The following DNAAF9 variants were observed in gnomAD, a reference collection of about 807,000 sequenced individuals.
DNAAF9 encodes the protein dynein axonemal assembly factor 9, also known as shulin.
A neutral mutation model predicts 167.0 loss-of-function variants in DNAAF9; 90 were observed. The ratio of observed to expected loss-of-function variants is 0.54; its 90% CI spans 0.45 to 0.64. The LOEUF (loss-of-function observed/expected upper bound fraction) is 0.64. Among genes scored for constraint, DNAAF9 ranks in the 30% least tolerant of loss-of-function variants. DNAAF9 has a pLI of 0.00. For missense variants in DNAAF9, 1,315 were observed against 1,442.2 expected, an observed-to-expected ratio of 0.91 and a Z score of 1.43; for synonymous variants, 491 against 508.8, an observed-to-expected ratio of 0.96 and a Z score of 0.47.
At position 3,403,222 on chromosome 20, in the gene DNAAF9, T is replaced by A. The variant is rs146556611; in HGVS notation, c.83+4253A>T. ...GCTCAACACAGCTGCAGGAAAAGTGTACAACTATGCTAAGTAGGGTCTCAC... is the reference window on the plus strand; with the variant it reads ...GCTCAACACAGCTGCAGGAAAAGTGAACAACTATGCTAAGTAGGGTCTCAC... On this transcript the variant is annotated intron_variant, in intron 1 of 36. Transcript: ENST00000252032. Among the ~76,000 whole-genome samples, 412 of 152,220 alleles carry A rather than the reference T, an allele frequency of 2.7e-3. 1 individual carries two copies. The highest frequency in any genetic ancestry group is 9.3e-3 in the African/African-American group (387 of 41,530).
chr20:3,381,585 G>C (rs983031772), intron 2 of DNAAF9, 87 bp from the exon 3 acceptor site: 49 of 1,403,996 alleles, frequency 3.5e-5, no homozygotes, highest in Non-Finnish European at 4.7e-5. Flanking sequence ...GCAAAACCCT[G>C]ATGATCAAGC....
chr20:3,256,992 C>T (rs1037755731), intron 33 of DNAAF9, among the ~76,000 whole-genome samples: 1 of 151,930 alleles, frequency 6.6e-6, no homozygotes, highest in African/African-American at 2.4e-5. Flanking sequence ...CAGAGCAAGA[C>T]CCTGTCTCAA....
At position 3,281,741 on chromosome 20, in the gene DNAAF9, G is replaced by C; in HGVS notation, c.2512C>G (p.Gln838Glu). The change falls in exon 28 of 37, where the codon CAG (glutamine) becomes GAG (glutamate). Residue 838 changes from glutamine to glutamate, a missense_variant. By Grantham distance (29) the Gln-to-Glu change is conservative (BLOSUM62 2). Transcript: ENST00000252032. ...QGYTDVIDVVQALQTHPDSNV... is the reference protein window; with the variant it reads ...QGYTDVIDVVEALQTHPDSNV... ...GAGTCTGGGTGGGTCTGCAGGGCCT[G>C]GACAACATCAATAACATCTGTGTAG... 2 of 1,611,980 alleles carry C rather than the reference G, an allele frequency of 1.2e-6. 1 individual carries two copies. Among genetic ancestry groups the C allele is most frequent in the South Asian group, 2.2e-5 (2 of 90,530 alleles).
chr20:3,319,865 G>A (rs2069583183), intron 16 of DNAAF9, among the ~76,000 whole-genome samples: 1 of 152,146 alleles, frequency 6.6e-6, no homozygotes, highest in East Asian at 1.9e-4. Flanking sequence ...CAACTGGAAG[G>A]TTTATCTAAA....
Position 3,264,631 on chromosome 20 carries a change from G to A in DNAAF9, c.2787-107C>T, listed in dbSNP as rs1055979593. 18 of 674,652 alleles carry A rather than the reference G, an allele frequency of 2.7e-5. 2 individuals carry two copies. The highest frequency in any genetic ancestry group is 2.6e-4 in the South Asian group (16 of 61,582). The allele number at this position is 674,652 out of a possible 1,614,324, so 41.8% of individuals were successfully genotyped here. On this transcript the variant is annotated intron_variant, in intron 30 of 36. Coordinates refer to ENST00000252032, the MANE Select transcript of DNAAF9 (RefSeq NM_001009984.3). ...TGTCGCCAGGCTGGAGTGCAGTGGT[G>A]CAATCTTGGCTCATTGCAACCTCCG...
At chr20:3,311,426 C>A (rs1483967496) in intron 20 of DNAAF9, among the ~76,000 whole-genome samples, 1 of 151,988 alleles carries the variant, frequency 6.6e-6, no homozygotes, top group African/African-American at 2.4e-5. Flanking sequence ...TTAAAAAATT[C>A]TTTTGTAGAA....
intron 1 of DNAAF9, 48 bp from the exon 2 acceptor site, chr20:3,382,554 T>G (rs1336912448): frequency 6.9e-7 from 1 of 1,442,772 alleles, no homozygotes; most frequent in Admixed American, 1.7e-5. Flanking sequence ...GACAGCCCCA[T>G]GAGAAGAGCA....
At chr20:3,382,899 T>G (rs758951930) in intron 1 of DNAAF9, among the ~76,000 whole-genome samples, 3 of 152,192 alleles carry the variant, frequency 2.0e-5, no homozygotes, top group Admixed American at 6.5e-5. Flanking sequence ...TCACCCCACT[T>G]GTGGTCCTCA....
rs574872776 is a variant in DNAAF9, at chr20:3,376,243, G to A, written c.343C>T (p.Arg115Cys). Residue 115 changes from arginine (R) to cysteine (C), a missense_variant, in exon 4 of 37, where the codon CGC becomes TGC. Physicochemically the swap from Arg to Cys is radical, Grantham distance 180. Around this residue, in one of 2 missense-constraint regions of DNAAF9, gnomAD observed 981 missense variants for 1,012.5 expected, o/e 0.97. Transcript: ENST00000252032. ...TGTGCCACATAAGGTAAGAGATAGC[G>A]AAAGTTTACAGGATTACAGTACAGA... The part of the protein sequence containing the change: ...VHLYCNPVNF[R>C]YLLPYVAHWR... 1.9e-5 allele frequency: 31 copies of A among 1,613,006 alleles called. No homozygotes were observed. The highest frequency in any genetic ancestry group is 3.3e-4 in the Middle Eastern group (2 of 6,062).
In DNAAF9 at chr20:3,264,663, G is replaced by A. The variant is rs141526021; in HGVS notation, c.2787-139C>T. On this transcript the variant is annotated intron_variant, in intron 30 of 36. Transcript: ENST00000252032. Reference sequence around the variant, plus strand: ...TGGCTCATTGCAACCTCCGCTTCCCGGGTTCAAGTGATTCTCCTGCCTCAG... The same window carrying A: ...TGGCTCATTGCAACCTCCGCTTCCCAGGTTCAAGTGATTCTCCTGCCTCAG... 2,384 of 640,042 alleles carry A rather than the reference G, an allele frequency of 3.7e-3. 45 individuals carry two copies. The African/African-American group carries it at 0.041, about 11-fold the overall frequency. 39.6% of individuals were successfully genotyped at this position (640,042 alleles called of 1,614,324 possible).
chr20:3,267,479 G>C (rs1329156694), intron 30 of DNAAF9, among the ~76,000 whole-genome samples: 1 of 149,140 alleles, frequency 6.7e-6, no homozygotes, highest in Admixed American at 6.6e-5. Context: ...GGTATTTGCT[G>C]CAACTGTGGT....
chr20:3,305,149 G>T (rs987623891), intron 20 of DNAAF9, among the ~76,000 whole-genome samples: 1 of 152,202 alleles, frequency 6.6e-6, no homozygotes, highest in Admixed American at 6.5e-5. Flanking sequence ...CAAGGATTCA[G>T]GTCTAAGGAG....
intron 12 of DNAAF9, among the ~76,000 whole-genome samples, chr20:3,328,677 T>C (rs961034982): frequency 2.6e-5 from 4 of 152,034 alleles, no homozygotes; most frequent in Non-Finnish European, 4.4e-5. Flanking sequence ...GGCACAGAAG[T>C]ACAAGCAGGC....
intron 10 of DNAAF9, among the ~76,000 whole-genome samples, chr20:3,339,801 G>A (rs559577108): frequency 3.9e-5 from 6 of 152,140 alleles, no homozygotes; most frequent in Non-Finnish European, 8.8e-5. Flanking sequence ...GAGGTGGGAG[G>A]ATCACCTGAG....
At chr20:3,375,740 C>T (rs535541754) in intron 4 of DNAAF9, among the ~76,000 whole-genome samples, 2 of 151,840 alleles carry the variant, frequency 1.3e-5, no homozygotes, top group African/African-American at 4.8e-5. Context: ...CCCAGCTACT[C>T]GGGAGGCTGA....
rs756005594 is a variant in DNAAF9, at chr20:3,304,535, G to C, written c.1687C>G (p.His563Asp). 19 of 1,453,308 alleles carry C rather than the reference G, an allele frequency of 1.3e-5. No homozygotes were observed. In the Middle Eastern group the frequency reaches 6.9e-4, roughly 53 times the overall value. The allele number at this position is 1,453,308 out of a possible 1,614,324, so 90.0% of individuals were successfully genotyped here. Residue 563 changes from histidine (H) to aspartate (D), a missense_variant, in exon 21 of 37, where the codon CAT becomes GAT. Physicochemically the swap from His to Asp is moderately conservative, Grantham distance 81 (BLOSUM62 -1). Coordinates refer to ENST00000252032, the MANE Select transcript of DNAAF9 (RefSeq NM_001009984.3). ...LQSWPEEGNVHFFSSGLLFSH... is the reference protein window; with the variant it reads ...LQSWPEEGNVDFFSSGLLFSH... Reference sequence around the variant, plus strand: ...AACAGAAGGCCACTAGAGAAGAAATGAACATTCCCTGGAAGGAAAAGAGAG... The same window carrying C: ...AACAGAAGGCCACTAGAGAAGAAATCAACATTCCCTGGAAGGAAAAGAGAG...
At chr20:3,271,394 A>G (rs2122812174) in intron 29 of DNAAF9, among the ~76,000 whole-genome samples, 1 of 152,236 alleles carries the variant, frequency 6.6e-6, no homozygotes. Context: ...ATGTAAGAAG[A>G]GGTTGCAGGG....
chr20:3,348,428 T>C (rs1157703645), intron 8 of DNAAF9, 97 bp downstream of exon 8: 2 of 585,676 alleles, frequency 3.4e-6, no homozygotes, highest in Non-Finnish European at 5.7e-6. Context: ...CAAATTAGAA[T>C]TGATAGTGTT....
At chr20:3,363,047 G>A (rs2083383288) in intron 6 of DNAAF9, among the ~76,000 whole-genome samples, 1 of 152,014 alleles carries the variant, frequency 6.6e-6, no homozygotes. Context: ...TGGCCAACAT[G>A]GTGAAAGCCC....
Sources: allele counts gnomAD v4.1 joint callset (sites outside exome capture counted in the v4.1 genomes callset), GRCh38; gene constraint gnomAD v4.1.1; regional missense constraint gnomAD v4.1.1; transcripts MANE v1.5; gene names NCBI Gene and HGNC (gene_info 2026-07-23, HGNC 2026-07-21).